The following CPPED1 variants were observed in gnomAD, a reference collection of about 807,000 sequenced individuals.
CPPED1 encodes calcineurin like phosphoesterase domain containing 1.
Under a neutral mutation model 28.0 loss-of-function variants are expected in CPPED1, and 28 were observed. The ratio of observed to expected loss-of-function variants is 1.00; its 90% CI spans 0.74 to 1.37. The LOEUF is 1.37. Among genes scored for constraint, CPPED1 ranks in the 40% most tolerant of loss-of-function variants. The probability of loss-of-function intolerance (pLI) is 0.00; values close to 1 mark genes in which losing one functional copy is unlikely to be tolerated. For missense variants in CPPED1, 504 were observed against 416.5 expected (o/e 1.21, Z -1.83); for synonymous variants, 198 against 180.2 (o/e 1.10, Z -0.79).
chr16:12,776,604 C>T (rs955960172), intron 2 of CPPED1, among the ~76,000 whole-genome samples: 3 of 152,166 alleles, frequency 2.0e-5, no homozygotes, highest in Non-Finnish European at 4.4e-5. Flanking sequence ...AAGTTCTCTT[C>T]TCTCTTGTCT....
At chr16:12,764,031 AT>A (rs34298808) in intron 2 of CPPED1, among the ~76,000 whole-genome samples, 89,809 of 143,270 alleles carry the variant, frequency 0.63, 27,785 homozygotes, top group South Asian at 0.67. Context: ...TCCCATTTGC[AT>A]TTTTTTTTTT....
At chr16:12,754,651 G>T (rs971433479) in intron 2 of CPPED1, among the ~76,000 whole-genome samples, 3 of 151,518 alleles carry the variant, frequency 2.0e-5, no homozygotes, top group Non-Finnish European at 4.4e-5. Context: ...AGGCCAAAAG[G>T]GAGAATACCA....
chr16:12,790,903 A>C (rs1327694124), intron 1 of CPPED1, among the ~76,000 whole-genome samples: 1 of 141,760 alleles, frequency 7.1e-6, no homozygotes, highest in South Asian at 2.3e-4. Context: ...CTGGTGATAG[A>C]GCAAGACTCT....
At chr16:12,755,424 G>A (rs1306837888) in intron 2 of CPPED1, among the ~76,000 whole-genome samples, 2 of 151,886 alleles carry the variant, frequency 1.3e-5, no homozygotes, top group South Asian at 2.1e-4. Flanking sequence ...TGGGACTACA[G>A]GTGCATGCCA....
At position 12,709,659 on chromosome 16, in the gene CPPED1, T is replaced by C. The variant is rs2080069432; in HGVS notation, c.290-4610A>G. ...CCAAATAGCCTTAAAATACATTGTC[T>C]AATAAAATCTCTTTGTGAGTTAGGA... On this transcript the variant is annotated intron_variant, in intron 2 of 3. Transcript: ENST00000381774. This position sits in a 1 kb window ranked among gnomAD's most constrained non-coding sequence, Gnocchi z 4.4. Among the ~76,000 whole-genome samples, 1 of 152,170 alleles carries C rather than the reference T, an allele frequency of 6.6e-6. No homozygotes were observed. The highest frequency in any genetic ancestry group is 2.4e-5 in the African/African-American group (1 of 41,442).
In CPPED1 at chr16:12,735,476, T is replaced by A. The variant is rs2080222037; in HGVS notation, c.290-30427A>T. Among the ~76,000 whole-genome samples the A allele has an allele frequency of 1.3e-5, 2 of 152,226 alleles. 1 individual carries two copies. Among genetic ancestry groups the A allele is most frequent in the African/African-American group, 4.8e-5 (2 of 41,458 alleles). ...CACATTACCGTCCCTGGCTAATTTTTGTATTTTTATTACAGGCGAGGTTTC... is the reference window on the plus strand; with the variant it reads ...CACATTACCGTCCCTGGCTAATTTTAGTATTTTTATTACAGGCGAGGTTTC... On this transcript the variant is annotated intron_variant, in intron 2 of 3. Transcript: ENST00000381774.
chr16:12,762,980 G>A (rs2080418228), intron 2 of CPPED1, among the ~76,000 whole-genome samples: 1 of 152,092 alleles, frequency 6.6e-6, no homozygotes, highest in African/African-American at 2.4e-5. Context: ...TGTAATCCCA[G>A]CACTTTGGGA....
intron 2 of CPPED1, among the ~76,000 whole-genome samples, chr16:12,778,862 C>T (rs1240107182): frequency 6.6e-6 from 1 of 152,206 alleles, no homozygotes; most frequent in Admixed American, 6.5e-5. Context: ...GTCCAAGTCT[C>T]CAGAACAAAT....
In CPPED1 at chr16:12,803,250, T is replaced by C. The variant is rs199603603; in HGVS notation, c.70+457A>G. Among the ~76,000 whole-genome samples the C allele has an allele frequency of 1.9e-4, 29 of 152,340 alleles. 1 individual carries two copies. In the East Asian group the frequency reaches 4.8e-3, roughly 25 times the overall value. On this transcript the variant is annotated intron_variant, in intron 1 of 3. Coordinates refer to ENST00000381774, the MANE Select transcript of CPPED1 (RefSeq NM_018340.3). ...TGAATGACTTAAATAAACGTCATTA[T>C]GGAGTACAGAATACATAACGGTGAA...
chr16:12,766,177 T>C (rs1157069851), intron 2 of CPPED1, among the ~76,000 whole-genome samples: 2 of 150,620 alleles, frequency 1.3e-5, no homozygotes, highest in African/African-American at 4.9e-5. Context: ...TGCATCACCT[T>C]AGGTCAGGAG....
intron 2 of CPPED1, among the ~76,000 whole-genome samples, chr16:12,777,207 G>T (rs150784969): frequency 6.6e-6 from 1 of 152,168 alleles, no homozygotes; most frequent in Non-Finnish European, 1.5e-5. Context: ...ATCAAGGGAA[G>T]AATTATTCCT....
chr16:12,669,565 T>C (rs1348334145), intron 3 of CPPED1, among the ~76,000 whole-genome samples: 1 of 151,832 alleles, frequency 6.6e-6, no homozygotes, highest in Non-Finnish European at 1.5e-5. Context: ...CGGATTAGAG[T>C]TGGAGATATC....
chr16:12,705,052 G>A lies in CPPED1; in HGVS notation c.290-3C>T. On this transcript the variant is annotated splice_polypyrimidine_tract_variant and splice_region_variant and intron_variant, in intron 2 of 3. Coordinates refer to ENST00000381774, the MANE Select transcript of CPPED1 (RefSeq NM_018340.3). Reference sequence around the variant, plus strand: ...CTGCTCCGTCCGCCACGGCTTCCCTGGAAGAGTGAGGGTCACGTCCTGAGA... The same window carrying A: ...CTGCTCCGTCCGCCACGGCTTCCCTAGAAGAGTGAGGGTCACGTCCTGAGA... 1.2e-6 allele frequency: 2 copies of A among 1,603,026 alleles called. No individual in the cohort carries two copies. Among genetic ancestry groups the A allele is most frequent in the East Asian group, 2.2e-5 (1 of 44,660 alleles).
At chr16:12,730,716 T>C (rs181709257) in intron 2 of CPPED1, among the ~76,000 whole-genome samples, 1 of 152,332 alleles carries the variant, frequency 6.6e-6, no homozygotes, top group African/African-American at 2.4e-5. Context: ...CATGATTTCA[T>C]TTTTATGAAG....
chr16:12,770,185 G>A (rs1194029151), intron 2 of CPPED1, among the ~76,000 whole-genome samples: 1 of 152,210 alleles, frequency 6.6e-6, no homozygotes, highest in Non-Finnish European at 1.5e-5. Flanking sequence ...CCTGAGAGAT[G>A]TTCCCCAGAG....
intron 2 of CPPED1, among the ~76,000 whole-genome samples, chr16:12,740,284 A>C (rs928030044): frequency 6.6e-6 from 1 of 151,914 alleles, no homozygotes; most frequent in Non-Finnish European, 1.5e-5. Context: ...CATCTCTACA[A>C]AAATACAAAA....
At chr16:12,710,512 G>A (rs935004761) in intron 2 of CPPED1, among the ~76,000 whole-genome samples, 6 of 149,772 alleles carry the variant, frequency 4.0e-5, no homozygotes, top group African/African-American at 4.9e-5. Context: ...AATGCAAAAC[G>A]TTTGTGCATC....
intron 3 of CPPED1, among the ~76,000 whole-genome samples, chr16:12,665,861 G>C (rs1292582801): frequency 1.3e-5 from 2 of 152,158 alleles, no homozygotes; most frequent in Non-Finnish European, 2.9e-5. Flanking sequence ...GGAGGTGGAG[G>C]TTGCAGTGAG....
rs919827053 is a variant in CPPED1 at position 12,740,500 on chromosome 16, G to T, written c.290-35451C>A. 3.3e-5 allele frequency among the ~76,000 whole-genome samples: 5 copies of T among 151,996 alleles called. No homozygotes were observed. In the East Asian group the frequency reaches 9.7e-4, roughly 29 times the overall value. On this transcript the variant is annotated intron_variant, in intron 2 of 3. Transcript: ENST00000381774. ...ACCCGTAGCCAAAAGTATTCCTAGT[G>T]CATACCAATCATGACTAATTAGGTC... is the stretch of plus-strand genomic sequence containing the variant.
Sources: allele counts gnomAD v4.1 joint callset (sites outside exome capture counted in the v4.1 genomes callset), GRCh38; gene constraint gnomAD v4.1.1; non-coding constraint Gnocchi (gnomAD v3.1); transcripts MANE v1.5; gene names NCBI Gene and HGNC (gene_info 2026-07-23, HGNC 2026-07-21).